MYOM2: variants seen among roughly 807,000 people sequenced by gnomAD.
MYOM2 encodes myomesin-2.
Under a neutral mutation model 187.6 loss-of-function variants are expected in MYOM2, and 254 were observed. That is an observed-to-expected ratio of 1.35 (90% CI 1.22 to 1.50). The LOEUF (loss-of-function observed/expected upper bound fraction) is 1.50, where lower values mean the gene tolerates loss of function less well. Among genes scored for constraint, MYOM2 ranks in the 40% most tolerant of loss-of-function variants. The pLI is 0.00. For missense variants in MYOM2, 2,796 were observed against 1,924.0 expected (o/e 1.45, Z -8.48); for synonymous variants, 981 against 753.8 (o/e 1.30, Z -4.94).
intron 6 of MYOM2, among the ~76,000 whole-genome samples, chr8:2,066,082 C>A (rs922305518): frequency 6.6e-6 from 1 of 152,210 alleles, no homozygotes; most frequent in Non-Finnish European, 1.5e-5. Context: ...AGGCGTTCAC[C>A]CTTCCTCACT....
intron 28 of MYOM2, among the ~76,000 whole-genome samples, chr8:2,119,615 G>A (rs1797359464): frequency 6.6e-6 from 1 of 152,174 alleles, no homozygotes; most frequent in South Asian, 2.1e-4. Flanking sequence ...ACGAGCAGGA[G>A]CCCGCTGCCC....
intron 21 of MYOM2, 55 bp downstream of exon 21, chr8:2,102,836 A>T: frequency 1.4e-6 from 2 of 1,402,282 alleles, no homozygotes; most frequent in East Asian, 2.3e-5. Flanking sequence ...GAGAGTGTGC[A>T]TGTATTATGG....
intron 15 of MYOM2, among the ~76,000 whole-genome samples, 168 bp from the exon 16 acceptor site, chr8:2,092,178 G>C (rs557093840): frequency 6.6e-6 from 1 of 151,830 alleles, no homozygotes; most frequent in Non-Finnish European, 1.5e-5. Flanking sequence ...AATGGCCCTC[G>C]GGTGGTCGGC....
intron 14 of MYOM2, among the ~76,000 whole-genome samples, chr8:2,086,498 C>CACTGTCGTGATCTCTGCGTGGCCCCCT (rs1796077144): frequency 2.1e-5 from 3 of 142,416 alleles, no homozygotes; most frequent in South Asian, 2.2e-4. Flanking sequence ...TGTGGCCCCC[C>CACTGTCGTGATCTCTGCGTGGCCCCCT]ACTGTCGTGA....
chr8:2,070,424 C>T (rs1028449694), intron 8 of MYOM2, among the ~76,000 whole-genome samples: 1 of 152,194 alleles, frequency 6.6e-6, no homozygotes, highest in Non-Finnish European at 1.5e-5. Flanking sequence ...TGGGCTACAT[C>T]CAACACTCGG....
intron 6 of MYOM2, among the ~76,000 whole-genome samples, chr8:2,065,333 G>A (rs2129331990): frequency 6.6e-6 from 1 of 152,300 alleles, no homozygotes; most frequent in Middle Eastern, 3.4e-3. Context: ...CATGTTGGGA[G>A]GCCGAGGCAG....
intron 1 of MYOM2, among the ~76,000 whole-genome samples, chr8:2,049,676 G>A (rs999586999): frequency 1.3e-5 from 2 of 152,166 alleles, no homozygotes; most frequent in Non-Finnish European, 2.9e-5. Flanking sequence ...AAAAAATGGA[G>A]CTCAGGTTGT....
intron 18 of MYOM2, 30 bp from the exon 19 acceptor site, chr8:2,098,827 C>T (rs769139720): frequency 4.4e-6 from 7 of 1,591,478 alleles, no homozygotes; most frequent in Non-Finnish European, 6.0e-6. Flanking sequence ...TCCTTTATCT[C>T]ATGTATTAAT....
At chr8:2,099,713 C>A (rs563829557) in intron 19 of MYOM2, among the ~76,000 whole-genome samples, 4 of 152,220 alleles carry the variant, frequency 2.6e-5, no homozygotes, top group Non-Finnish European at 5.9e-5. Context: ...TGTCACCATG[C>A]CCTGCTAACA....
At chr8:2,120,680 T>TATATATAAAATATATATA in intron 28 of MYOM2, among the ~76,000 whole-genome samples, 3 of 48,294 alleles carry the variant, frequency 6.2e-5, no homozygotes, top group African/African-American at 2.0e-4. Flanking sequence ...ATATATTATA[T>TATATATAAAATATATATA]TATATATAAA....
In MYOM2 at chr8:2,076,390, G is replaced by C. The variant is rs371942681; in HGVS notation, c.1262+108G>C. 23 of 1,420,994 alleles carry C rather than the reference G, an allele frequency of 1.6e-5. No homozygotes were observed. The East Asian group carries it at 3.4e-4, about 21-fold the overall frequency. 88.0% of individuals were successfully genotyped at this position (1,420,994 alleles called of 1,614,324 possible). A position where few individuals can be genotyped will look rare whatever the true frequency, so the allele number is the denominator to read the frequency against. Reference sequence around the variant, plus strand: ...ATGCAGGTTGACGTTCCCATTTTTTGATTGGCTCTAGGTACATGGCTAATT... The same window carrying C: ...ATGCAGGTTGACGTTCCCATTTTTTCATTGGCTCTAGGTACATGGCTAATT... On this transcript the variant is annotated intron_variant, in intron 11 of 36. Transcript: ENST00000262113.
chr8:2,099,634 G>C (rs1796615613), intron 19 of MYOM2, among the ~76,000 whole-genome samples: 1 of 152,088 alleles, frequency 6.6e-6, no homozygotes, highest in African/African-American at 2.4e-5. Context: ...TGCCCAGGCT[G>C]GTCTTGAACT....
intron 6 of MYOM2, among the ~76,000 whole-genome samples, chr8:2,060,967 G>A (rs1032030508): frequency 1.3e-5 from 2 of 152,014 alleles, no homozygotes; most frequent in East Asian, 1.9e-4. Flanking sequence ...GGAGATGGGG[G>A]TGAGGGGGTT....
chr8:2,144,974 G>T lies in MYOM2; in HGVS notation c.4391G>T (p.Gly1464Val), dbSNP rs760066909. ...ATCCCCGCGTCTGCCTCAGCGGCAG[G>T]CCAGTGAAGGCGTTTTCCTAGCCTG... is the stretch of plus-strand genomic sequence containing the variant. Reference protein sequence around the residue: ...KLIPASASAAGQ With the variant: ...KLIPASASAAVQ Residue 1464 changes from glycine (G) to valine (V), a missense_variant, in exon 37 of 37, where the codon GGC becomes GTC. Coordinates refer to ENST00000262113, the MANE Select transcript of MYOM2 (RefSeq NM_003970.4). 5.6e-6 allele frequency: 9 copies of T among 1,613,530 alleles called. No individual in the cohort carries two copies. In the South Asian group the frequency reaches 8.8e-5, roughly 16 times the overall value.
chr8:2,115,768 T>C (rs1433742790), intron 25 of MYOM2, among the ~76,000 whole-genome samples, 192 bp from the exon 26 acceptor site: 2 of 152,352 alleles, frequency 1.3e-5, no homozygotes, highest in Admixed American at 6.5e-5. Flanking sequence ...CCAGGCTTTG[T>C]CACTGAGTGA....
At chr8:2,098,767 T>A in intron 18 of MYOM2, 90 bp from the exon 19 acceptor site, 1 of 1,358,418 alleles carries the variant, frequency 7.4e-7, no homozygotes, top group Non-Finnish European at 9.9e-7. Flanking sequence ...TCATATTTTA[T>A]TTCACAAGCC....
intron 1 of MYOM2, among the ~76,000 whole-genome samples, chr8:2,048,902 G>A (rs1437891216): frequency 2.6e-5 from 4 of 151,676 alleles, no homozygotes; most frequent in African/African-American, 9.7e-5. Flanking sequence ...CCATTCTCCT[G>A]CCTCAGCCTC....
rs776824095 is a variant in MYOM2 at position 2,057,350 on chromosome 8, A to T, written c.266A>T (p.Tyr89Phe). ...AGGCTGCTTCTCGGCTCCTGCAGGTACCAGTCCCTGGTGGCCGCCTATGGT... is the reference window on the plus strand; with the variant it reads ...AGGCTGCTTCTCGGCTCCTGCAGGTTCCAGTCCCTGGTGGCCGCCTATGGT... ...EDEEQENRSR[Y>F]QSLVAAYGEA... Residue 89 changes from tyrosine to phenylalanine, a missense_variant and splice_region_variant, in exon 4 of 37, where the codon TAC (tyrosine) becomes TTC (phenylalanine). Tyr to Phe is a conservative substitution (Grantham distance 22, BLOSUM62 3). Transcript: ENST00000262113. 6 of 1,603,756 alleles carry T rather than the reference A, an allele frequency of 3.7e-6. No individual in the cohort carries two copies. Among genetic ancestry groups the T allele is most frequent in the African/African-American group, 1.3e-5 (1 of 74,514 alleles).
In MYOM2 at chr8:2,059,008, C is replaced by T. The variant is rs1818764023; in HGVS notation, c.561-145C>T. On this transcript the variant is annotated intron_variant, in intron 5 of 36. Coordinates refer to ENST00000262113, the MANE Select transcript of MYOM2 (RefSeq NM_003970.4). ...AAACCAGTGCGAACTCTGGGCCTCA[C>T]CGTCAGGGCTCTGTCCTCCTCCCGC... 5.2e-5 allele frequency: 34 copies of T among 648,636 alleles called. 1 individual carries two copies. In the South Asian group the frequency reaches 6.2e-4, roughly 12 times the overall value. 40.2% of individuals were successfully genotyped at this position (648,636 alleles called of 1,614,324 possible).
Sources: gnomAD v4.1 joint callset for allele counts (sites outside exome capture counted in the v4.1 genomes callset) on GRCh38, gnomAD v4.1.1 for gene constraint, MANE v1.5 for transcripts, NCBI Gene and HGNC (gene_info 2026-07-23, HGNC 2026-07-21) for gene names.